CPLX1: variants seen among roughly 807,000 people sequenced by gnomAD.
CPLX1 encodes the protein complexin-1.
CPLX1 carries 6 observed loss-of-function variants against 15.6 expected under a neutral mutation model. The ratio of observed to expected loss-of-function variants is 0.39; its 90% CI spans 0.21 to 0.76. The LOEUF is 0.76. CPLX1 is among the 30% of genes least tolerant of loss of function. The probability of loss-of-function intolerance (pLI) is 0.43; values close to 1 mark genes in which losing one functional copy is unlikely to be tolerated. For synonymous variants in CPLX1, 91 were observed against 75.2 expected, an observed-to-expected ratio of 1.21 and a Z score of -1.08; for missense variants, 242 against 188.6, an observed-to-expected ratio of 1.28 and a Z score of -1.66.
rs192604827 is a variant in CPLX1 at position 798,230 on chromosome 4, G to A, written c.32-5622C>T. Among the ~76,000 whole-genome samples the A allele has an allele frequency of 3.7e-3, 512 of 138,996 alleles. 2 individuals carry two copies. Among genetic ancestry groups the A allele is most frequent in the Non-Finnish European group, 5.5e-3 (370 of 66,746 alleles). 91.2% of individuals were successfully genotyped at this position (138,996 alleles called of 152,430 possible). ...GTGGAGGTTGCAGTGAGCCGAGATG[G>A]CACCACTGAACTCCAGCCTGGGTGA... is the stretch of plus-strand genomic sequence containing the variant. On this transcript the variant is annotated intron_variant, in intron 2 of 3. Coordinates refer to ENST00000304062, the MANE Select transcript of CPLX1 (RefSeq NM_006651.4).
At position 785,879 on chromosome 4, in the gene CPLX1, T is replaced by C. The variant is rs1240111127; in HGVS notation, c.*622A>G. On this transcript the variant is annotated 3_prime_UTR_variant, in exon 4 of 4. Coordinates refer to ENST00000304062, the MANE Select transcript of CPLX1 (RefSeq NM_006651.4). Reference sequence around the variant, plus strand: ...GGCGTCCCCCAAACCTATTGCTTTGTTTCCTTTAGTTTAGAAGTGAACACG... The same window carrying C: ...GGCGTCCCCCAAACCTATTGCTTTGCTTCCTTTAGTTTAGAAGTGAACACG... The C allele has an allele frequency of 6.6e-6, 1 of 152,126 alleles. No individual in the cohort carries two copies. The highest frequency in any genetic ancestry group is 1.5e-5 in the Non-Finnish European group (1 of 68,090). The allele number at this position is 152,126 out of a possible 1,614,324, so 9.4% of individuals were successfully genotyped here.
chr4:793,521 A>C (rs991095459), intron 2 of CPLX1, among the ~76,000 whole-genome samples: 3 of 152,182 alleles, frequency 2.0e-5, no homozygotes, highest in African/African-American at 7.2e-5. Flanking sequence ...CACTGCGGGG[A>C]GCCCTGGCCC....
intron 2 of CPLX1, among the ~76,000 whole-genome samples, chr4:812,012 C>G (rs568830934): frequency 6.6e-6 from 1 of 152,240 alleles, no homozygotes; most frequent in East Asian, 1.9e-4. Flanking sequence ...ATTAATATAG[C>G]CACTCAAGTT....
chr4:804,172 G>A (rs1012709069), intron 2 of CPLX1, among the ~76,000 whole-genome samples: 3 of 152,180 alleles, frequency 2.0e-5, no homozygotes, highest in East Asian at 3.8e-4. Context: ...ACGTATTCCC[G>A]TCAACACAGG....
In CPLX1 at chr4:786,231, T is replaced by G; in HGVS notation, c.*270A>C. 10 of 275,706 alleles carry G rather than the reference T, an allele frequency of 3.6e-5. No individual in the cohort carries two copies. The highest frequency in any genetic ancestry group is 1.3e-4 in the East Asian group (2 of 15,416). The allele number at this position is 275,706 out of a possible 1,614,324, so 17.1% of individuals were successfully genotyped here. ...CGGCGGCCCTGGCCTCGGGCGCTGC[T>G]GGGTGGGCGGTAAACAGCAAGAGAA... On this transcript the variant is annotated 3_prime_UTR_variant, in exon 4 of 4. Coordinates refer to ENST00000304062, the MANE Select transcript of CPLX1 (RefSeq NM_006651.4).
chr4:809,793 G>A (rs1746628387), intron 2 of CPLX1, among the ~76,000 whole-genome samples: 1 of 151,800 alleles, frequency 6.6e-6, no homozygotes, highest in African/African-American at 2.4e-5. Flanking sequence ...CCTACTTCCT[G>A]TCACTATGGA....
intron 2 of CPLX1, among the ~76,000 whole-genome samples, chr4:793,742 C>T (rs1269307945): frequency 6.6e-6 from 1 of 152,232 alleles, no homozygotes; most frequent in African/African-American, 2.4e-5. Context: ...GCCACCCGGC[C>T]CCCTCTCGAG....
At chr4:797,726 G>A (rs1439611552) in intron 2 of CPLX1, among the ~76,000 whole-genome samples, 1 of 151,658 alleles carries the variant, frequency 6.6e-6, no homozygotes, top group Non-Finnish European at 1.5e-5. Flanking sequence ...GAGGTCAGGA[G>A]ATCGAGACCA....
At position 807,662 on chromosome 4, in the gene CPLX1, T is replaced by C. The variant is rs1187171884; in HGVS notation, c.32-15054A>G. ...GCCAATTTTTTTTTATTATTATTTT[T>C]AGTAGAGATGGGGTTTTCACCATGT... On this transcript the variant is annotated intron_variant, in intron 2 of 3. Transcript: ENST00000304062. 5.9e-5 allele frequency among the ~76,000 whole-genome samples: 9 copies of C among 152,134 alleles called. No individual in the cohort carries two copies. The East Asian group carries it at 1.7e-3, about 29-fold the overall frequency.
At chr4:787,296 G>C in intron 3 of CPLX1, 1 of 985,340 alleles carries the variant, frequency 1.0e-6, no homozygotes, top group Non-Finnish European at 1.2e-6. Context: ...CCGCCTAGTC[G>C]TGCCCTCAGC....
chr4:825,288 C>A (rs1746956875), intron 1 of CPLX1, among the ~76,000 whole-genome samples: 1 of 152,186 alleles, frequency 6.6e-6, no homozygotes, highest in South Asian at 2.1e-4. Flanking sequence ...CGCAGTGAGC[C>A]CCCCGGTTTT....
At position 785,131 on chromosome 4, in the gene CPLX1, G is replaced by T. The variant is rs900801626; in HGVS notation, c.*1370C>A. On this transcript the variant is annotated 3_prime_UTR_variant, in exon 4 of 4. Transcript: ENST00000304062. ...GGAACGGGGTGCGCAGGTTCTACGA[G>T]AGGACGCCCTGTCTGCTCAGAGCTG... The T allele has an allele frequency of 1.3e-5, 2 of 152,200 alleles. No individual in the cohort carries two copies. Among genetic ancestry groups the T allele is most frequent in the Non-Finnish European group, 2.9e-5 (2 of 68,082 alleles). The allele number at this position is 152,200 out of a possible 1,614,324, so 9.4% of individuals were successfully genotyped here.
At chr4:810,224 T>C (rs909553653) in intron 2 of CPLX1, among the ~76,000 whole-genome samples, 1 of 151,498 alleles carries the variant, frequency 6.6e-6, no homozygotes, top group Non-Finnish European at 1.5e-5. Context: ...TAATTTTTTG[T>C]ATTTTTAGTA....
Position 785,408 on chromosome 4 carries a change from G to A in CPLX1, c.*1093C>T, listed in dbSNP as rs750585289. ...CACGCCCTGGCCCGAAACACGTGGA[G>A]ACTTGATGCATTTTTGATGTGGACG... On this transcript the variant is annotated 3_prime_UTR_variant, in exon 4 of 4. Coordinates refer to ENST00000304062, the MANE Select transcript of CPLX1 (RefSeq NM_006651.4). 3.9e-5 allele frequency: 6 copies of A among 152,558 alleles called. No homozygotes were observed. The highest frequency in any genetic ancestry group is 5.9e-5 in the Non-Finnish European group (4 of 68,040). The allele number at this position is 152,558 out of a possible 1,614,324, so 9.5% of individuals were successfully genotyped here.
rs368633635 is a variant in CPLX1 at position 790,081 on chromosome 4, C to T, written c.207+2352G>A. Among the ~76,000 whole-genome samples the T allele has an allele frequency of 1.2e-4, 18 of 151,318 alleles. No individual in the cohort carries two copies. In the South Asian group the frequency reaches 2.7e-3, roughly 23 times the overall value. On this transcript the variant is annotated intron_variant, in intron 3 of 3. Coordinates refer to ENST00000304062, the MANE Select transcript of CPLX1 (RefSeq NM_006651.4). ...TGAGGGCAGCGTTCCCCCACCCCAA[C>T]AGGTGGCCACGCCTGAGGGCGGGGT...
intron 3 of CPLX1, among the ~76,000 whole-genome samples, chr4:789,797 A>G (rs531077455): frequency 6.6e-6 from 1 of 152,330 alleles, no homozygotes; most frequent in Admixed American, 6.5e-5. Flanking sequence ...GGCCTTGGAC[A>G]GGGCAGCTCA....
intron 2 of CPLX1, among the ~76,000 whole-genome samples, chr4:810,300 C>G (rs1200075259): frequency 6.6e-6 from 1 of 152,216 alleles, no homozygotes; most frequent in Non-Finnish European, 1.5e-5. Flanking sequence ...CCACCCGCCT[C>G]GGCCTCCCAA....
At chr4:813,517 G>T (rs571921148) in intron 2 of CPLX1, among the ~76,000 whole-genome samples, 1 of 152,192 alleles carries the variant, frequency 6.6e-6, no homozygotes, top group East Asian at 1.9e-4. Context: ...CTGTATAAAG[G>T]GCACTGGGCC....
At chr4:813,606 A>G (rs536209900) in intron 2 of CPLX1, among the ~76,000 whole-genome samples, 1 of 152,328 alleles carries the variant, frequency 6.6e-6, no homozygotes, top group East Asian at 1.9e-4. Context: ...ACTCAGACCA[A>G]TCCTCAGGCA....
Sources: gnomAD v4.1 joint callset for allele counts (sites outside exome capture counted in the v4.1 genomes callset) on GRCh38, gnomAD v4.1.1 for gene constraint, MANE v1.5 for transcripts, NCBI Gene and HGNC (gene_info 2026-07-23, HGNC 2026-07-21) for gene names.